The following AGBL1 variants were observed in gnomAD, a reference collection of about 807,000 sequenced individuals.
AGBL1 encodes cytosolic carboxypeptidase 4.
In AGBL1, 130 loss-of-function variants were observed where a neutral mutation model predicts 118.9. The observed-to-expected ratio is 1.09, with a 90% confidence interval of 0.95 to 1.26. The LOEUF (loss-of-function observed/expected upper bound fraction) is 1.26. Among genes scored for constraint, AGBL1 ranks in the 50% most tolerant of loss-of-function variants. The probability of loss-of-function intolerance (pLI) is 0.00; values close to 1 mark genes in which losing one functional copy is unlikely to be tolerated. For synonymous variants in AGBL1, 555 were observed against 478.9 expected, an observed-to-expected ratio of 1.16 and a Z score of -2.08; for missense variants, 1,584 against 1,298.1, an observed-to-expected ratio of 1.22 and a Z score of -3.38.
downstream of AGBL1, among the ~76,000 whole-genome samples, chr15:86,919,238 C>T (rs151165983): frequency 5.2e-3 from 792 of 152,268 alleles, 6 homozygotes; most frequent in African/African-American, 0.018. Context: ...TTCAACAAGA[C>T]CGCTTAGCAA....
chr15:86,584,499 T>C lies in AGBL1; in HGVS notation c.2994+29962T>C, dbSNP rs534362444. Among the ~76,000 whole-genome samples, 6 of 152,272 alleles carry C rather than the reference T, an allele frequency of 3.9e-5. No individual in the cohort carries two copies. In the East Asian group the frequency reaches 9.7e-4, roughly 25 times the overall value. The stretch of plus-strand genomic sequence containing the variant: ...TTGTTGAAGATCAGATGGATGTATG[T>C]GTGTGACTTTATTCTCAGTTTTCTA... On this transcript the variant is annotated intron_variant, in intron 21 of 22. Coordinates refer to ENST00000614907, the MANE Select transcript of AGBL1 (RefSeq NM_001386094.1).
At chr15:86,131,734 A>G (rs2076822177) in intron 1 of AGBL1, among the ~76,000 whole-genome samples, 1 of 152,044 alleles carries the variant, frequency 6.6e-6, no homozygotes, top group Non-Finnish European at 1.5e-5. Context: ...GAATTGCTTG[A>G]GCTCAGGAGT....
chr15:87,017,881 C>T (rs1161245623), intron 24 of AGBL1, among the ~76,000 whole-genome samples: 1 of 151,968 alleles, frequency 6.6e-6, no homozygotes, highest in South Asian at 2.1e-4. Context: ...TAACCCAATG[C>T]AGAGAAGCTA....
At chr15:86,870,747 A>T (rs1028308994) in intron 22 of AGBL1, among the ~76,000 whole-genome samples, 1 of 152,166 alleles carries the variant, frequency 6.6e-6, no homozygotes, top group Non-Finnish European at 1.5e-5. Flanking sequence ...CATGGCCCTG[A>T]TTTCTTTCAG....
chr15:86,099,398 T>G (rs1896574355), intron 1 of AGBL1, among the ~76,000 whole-genome samples: 1 of 152,172 alleles, frequency 6.6e-6, no homozygotes, highest in Admixed American at 6.6e-5. Flanking sequence ...ATTTTTTGTG[T>G]TTTGGTTTTG....
intron 21 of AGBL1, among the ~76,000 whole-genome samples, chr15:86,560,144 CT>C (rs374212441): frequency 0.051 from 7,607 of 148,454 alleles, 504 homozygotes; most frequent in African/African-American, 0.15. Context: ...TTTTCTTGTA[CT>C]TTTTTTTTTA....
intron 17 of AGBL1, among the ~76,000 whole-genome samples, chr15:86,339,872 A>G (rs761080814): frequency 1.3e-5 from 2 of 152,130 alleles, no homozygotes; most frequent in Non-Finnish European, 2.9e-5. Flanking sequence ...AGGCTGAGGC[A>G]GGAGAATCAC....
intron 17 of AGBL1, among the ~76,000 whole-genome samples, chr15:86,389,089 ATACTT>A (rs1326509286): frequency 6.6e-6 from 1 of 152,214 alleles, no homozygotes; most frequent in African/African-American, 2.4e-5. Context: ...AGAGAAGAAA[ATACTT>A]TATTATTTGC....
intron 22 of AGBL1, among the ~76,000 whole-genome samples, chr15:86,820,247 C>A (rs1432788771): frequency 6.6e-6 from 1 of 152,104 alleles, no homozygotes; most frequent in African/African-American, 2.4e-5. Context: ...GACTTCATGA[C>A]TAAAACACCA....
chr15:86,378,198 T>C (rs1249394525), intron 17 of AGBL1, among the ~76,000 whole-genome samples: 1 of 152,118 alleles, frequency 6.6e-6, no homozygotes, highest in Non-Finnish European at 1.5e-5. Context: ...AAATGCAGTA[T>C]TGTCATCTTT....
At chr15:86,713,941 C>T (rs750872259) in intron 22 of AGBL1, among the ~76,000 whole-genome samples, 11 of 152,184 alleles carry the variant, frequency 7.2e-5, no homozygotes, top group Admixed American at 1.3e-4. Flanking sequence ...TTATGCCATG[C>T]ATGATGGGTG....
At chr15:86,356,196 G>A (rs2080715114) in intron 17 of AGBL1, among the ~76,000 whole-genome samples, 1 of 152,150 alleles carries the variant, frequency 6.6e-6, no homozygotes, top group Admixed American at 6.5e-5. Context: ...ATGGAAGTGA[G>A]AAATAGAGAC....
At chr15:86,977,906 G>A (rs2081191413) in intron 23 of AGBL1, among the ~76,000 whole-genome samples, 1 of 151,936 alleles carries the variant, frequency 6.6e-6, no homozygotes, top group Non-Finnish European at 1.5e-5. Context: ...GTTGATTGTG[G>A]AGCCCCAGAA....
At chr15:86,482,887 C>A (rs2082670360) in intron 18 of AGBL1, among the ~76,000 whole-genome samples, 1 of 151,892 alleles carries the variant, frequency 6.6e-6, no homozygotes, top group African/African-American at 2.4e-5. Context: ...TGACAAGGTT[C>A]ATAAATTTGG....
intron 22 of AGBL1, among the ~76,000 whole-genome samples, chr15:86,784,420 C>G (rs1269227759): frequency 6.6e-6 from 1 of 152,086 alleles, no homozygotes; most frequent in Non-Finnish European, 1.5e-5. Flanking sequence ...TATTCTCTGC[C>G]CCACTGGTTT....
At chr15:86,790,605 GT>G in intron 22 of AGBL1, among the ~76,000 whole-genome samples, 1 of 152,162 alleles carries the variant, frequency 6.6e-6, no homozygotes, top group Non-Finnish European at 1.5e-5. Flanking sequence ...GGTTCCTATG[GT>G]TTTTTAATGT....
intron 17 of AGBL1, among the ~76,000 whole-genome samples, chr15:86,383,906 T>C (rs1391948220): frequency 6.6e-6 from 1 of 152,268 alleles, no homozygotes; most frequent in Non-Finnish European, 1.5e-5. Context: ...CACTAGAATG[T>C]ATTTCAAAGT....
At chr15:86,953,278 GA>G (rs1428990753) in intron 23 of AGBL1, among the ~76,000 whole-genome samples, 1 of 151,930 alleles carries the variant, frequency 6.6e-6, no homozygotes, top group Non-Finnish European at 1.5e-5. Flanking sequence ...TAACTATATT[GA>G]TTCTTCCTAT....
chr15:86,821,086 T>C (rs2078936857), intron 22 of AGBL1, among the ~76,000 whole-genome samples: 1 of 151,806 alleles, frequency 6.6e-6, no homozygotes, highest in African/African-American at 2.4e-5. Context: ...AACAGAAAAC[T>C]AAACACCACG....
Sources: allele counts gnomAD v4.1 joint callset (sites outside exome capture counted in the v4.1 genomes callset), GRCh38; gene constraint gnomAD v4.1.1; transcripts MANE v1.5; gene names NCBI Gene and HGNC (gene_info 2026-07-23, HGNC 2026-07-21).